Variants in LOXHD1 observed in about 807,000 individuals in gnomAD.
LOXHD1 encodes the protein lipoxygenase homology PLAT domains 1.
A neutral mutation model predicts 248.2 loss-of-function variants in LOXHD1; 205 were observed. That is an observed-to-expected ratio of 0.83 (90% CI 0.74 to 0.93). The LOEUF is 0.93. Among genes scored for constraint, LOXHD1 ranks in the 40% least tolerant of loss-of-function variants. The probability of loss-of-function intolerance (pLI) is 0.00; values close to 1 mark genes in which losing one functional copy is unlikely to be tolerated. For synonymous variants in LOXHD1, 1,113 were observed against 1,162.8 expected (o/e 0.96, Z 0.87); for missense variants, 2,930 against 2,971.6 (o/e 0.99, Z 0.33).
intron 26 of LOXHD1, 50 bp downstream of exon 26, chr18:46,538,106 C>A (rs558412616): frequency 3.8e-4 from 557 of 1,476,678 alleles, no homozygotes; most frequent in Non-Finnish European, 4.8e-4. Context: ...CTTCTCCTCT[C>A]CCTCTGTCTG....
chr18:46,496,701 G>A (rs1367804046), intron 37 of LOXHD1, among the ~76,000 whole-genome samples: 1 of 152,096 alleles, frequency 6.6e-6, no homozygotes, highest in Non-Finnish European at 1.5e-5. Context: ...AACCACATGG[G>A]CTCAATAAGG....
intron 3 of LOXHD1, among the ~76,000 whole-genome samples, chr18:46,641,093 C>T (rs1272309951): frequency 6.6e-6 from 1 of 152,000 alleles, no homozygotes; most frequent in Non-Finnish European, 1.5e-5. Context: ...CCCAATCTCC[C>T]CTGCAAGAGC....
chr18:46,489,417 A>G (rs1408400884), intron 37 of LOXHD1, among the ~76,000 whole-genome samples: 1 of 152,188 alleles, frequency 6.6e-6, no homozygotes, highest in Non-Finnish European at 1.5e-5. Flanking sequence ...CATGACCCCA[A>G]GAAATTGTGC....
intron 40 of LOXHD1, among the ~76,000 whole-genome samples, chr18:46,479,935 A>C (rs1286673909): frequency 6.6e-6 from 1 of 152,122 alleles, no homozygotes; most frequent in Non-Finnish European, 1.5e-5. Context: ...GCTTAAGGTG[A>C]CCCAGAGCCA....
intron 21 of LOXHD1, among the ~76,000 whole-genome samples, chr18:46,554,168 G>T (rs1051507102): frequency 6.6e-6 from 1 of 152,184 alleles, no homozygotes; most frequent in South Asian, 2.1e-4. Context: ...CGATCAGGGG[G>T]TGGGGATGGT....
At chr18:46,518,034 G>A (rs893843397) in intron 34 of LOXHD1, 95 bp downstream of exon 34, 66 of 1,439,424 alleles carry the variant, frequency 4.6e-5, no homozygotes, top group East Asian at 2.2e-4. Flanking sequence ...GGTCTGCAGC[G>A]GGCATGTGAG....
At chr18:46,561,501 C>T (rs1276652156) in intron 18 of LOXHD1, among the ~76,000 whole-genome samples, 1 of 152,170 alleles carries the variant, frequency 6.6e-6, no homozygotes, top group Non-Finnish European at 1.5e-5. Context: ...TAGTCAGAGT[C>T]CTCCCAAGCT....
chr18:46,656,858 C>A (rs1430371837), intron 1 of LOXHD1, 46 bp downstream of exon 1: 1 of 1,543,776 alleles, frequency 6.5e-7, no homozygotes, highest in East Asian at 2.5e-5. Context: ...CCCTGCCCAC[C>A]GCAGCCAGCT....
intron 37 of LOXHD1, among the ~76,000 whole-genome samples, chr18:46,492,164 G>A (rs139333517): frequency 0.014 from 2,058 of 152,284 alleles, 34 homozygotes; most frequent in Admixed American, 0.024. Flanking sequence ...GATGACAGCA[G>A]GATAGTAGAG....
intron 23 of LOXHD1, chr18:46,544,928 G>A (rs755826415): frequency 4.8e-5 from 23 of 475,876 alleles, no homozygotes; most frequent in South Asian, 1.9e-4. Flanking sequence ...GGACAGTGGC[G>A]TGAGCAGATG....
chr18:46,616,081 A>G (rs1468235285), intron 5 of LOXHD1, among the ~76,000 whole-genome samples: 2 of 152,192 alleles, frequency 1.3e-5, no homozygotes, highest in Non-Finnish European at 2.9e-5. Flanking sequence ...TCTGTATCAT[A>G]TACTGTATTT....
At chr18:46,597,988 C>T (rs1046932676) in intron 8 of LOXHD1, among the ~76,000 whole-genome samples, 1 of 150,368 alleles carries the variant, frequency 6.7e-6, no homozygotes, top group Non-Finnish European at 1.5e-5. Context: ...AGGCTGGTCT[C>T]GATCTCCTGA....
chr18:46,540,926 T>C (rs1479429694), intron 25 of LOXHD1, among the ~76,000 whole-genome samples: 1 of 152,212 alleles, frequency 6.6e-6, no homozygotes, highest in Non-Finnish European at 1.5e-5. Context: ...TTTATTGCTT[T>C]AGGCAAAAAT....
At chr18:46,506,840 T>C (rs2034605856) in intron 36 of LOXHD1, among the ~76,000 whole-genome samples, 1 of 152,220 alleles carries the variant, frequency 6.6e-6, no homozygotes, top group Non-Finnish European at 1.5e-5. Flanking sequence ...ATTAATGTGA[T>C]GAGCTTGCCA....
At chr18:46,503,731 G>A (rs1321680325) in intron 37 of LOXHD1, among the ~76,000 whole-genome samples, 1 of 152,342 alleles carries the variant, frequency 6.6e-6, no homozygotes, top group East Asian at 1.9e-4. Context: ...ATGATCAAGT[G>A]AGGAAGAAGA....
chr18:46,634,205 A>G (rs1375413974), intron 4 of LOXHD1, among the ~76,000 whole-genome samples: 1 of 152,228 alleles, frequency 6.6e-6, no homozygotes, highest in Non-Finnish European at 1.5e-5. Context: ...ATGGACCAAT[A>G]AGTTGTGTTA....
At position 46,483,646 on chromosome 18, in the gene LOXHD1, C is replaced by T. The variant is rs2143529843; in HGVS notation, c.6282G>A (p.Lys2094=). 5 of 1,551,688 alleles carry T rather than the reference C, an allele frequency of 3.2e-6. No individual in the cohort carries two copies. The highest frequency in any genetic ancestry group is 1.7e-4 in the Middle Eastern group (1 of 5,994). ...TCTTGACATGCCAGGCAAGTTCTCT[C>T]TTGGGGATAAACCGGTCTTCCCTGG... The part of the protein sequence containing the change: ...HLAREDRFIP[K]RELAWHVKTI... Residue 2094 remains lysine (K), a synonymous_variant, in exon 40 of 41, where the codon AAG becomes AAA. Coordinates refer to ENST00000642948, the MANE Select transcript of LOXHD1 (RefSeq NM_001384474.1).
intron 37 of LOXHD1, among the ~76,000 whole-genome samples, chr18:46,495,188 T>G (rs140664356): frequency 0.019 from 2,856 of 152,308 alleles, 51 homozygotes; most frequent in Non-Finnish European, 0.023. Flanking sequence ...AACACATAAA[T>G]TCTTTCTTTC....
intron 2 of LOXHD1, among the ~76,000 whole-genome samples, chr18:46,645,343 TC>T (rs145018186): frequency 0.021 from 3,134 of 152,298 alleles, 51 homozygotes; most frequent in Admixed American, 0.039. Context: ...CCCCTGCCAT[TC>T]AGCAGGAACC....
Sources: gnomAD v4.1 joint callset for allele counts (sites outside exome capture counted in the v4.1 genomes callset) on GRCh38, gnomAD v4.1.1 for gene constraint, MANE v1.5 for transcripts, NCBI Gene and HGNC (gene_info 2026-07-23, HGNC 2026-07-21) for gene names.